The following SLC10A7 variants were observed in gnomAD, a reference collection of about 807,000 sequenced individuals.
SLC10A7 encodes solute carrier family 10 member 7.
A neutral mutation model predicts 43.2 loss-of-function variants in SLC10A7; 29 were observed. The observed-to-expected ratio is 0.67, with a 90% CI of 0.50 to 0.92. The LOEUF is 0.92. Among genes scored for constraint, SLC10A7 ranks in the 40% least tolerant of loss-of-function variants. SLC10A7 has a pLI of 0.00. For missense variants in SLC10A7, 295 were observed against 403.2 expected, an observed-to-expected ratio of 0.73 and a Z score of 2.30; for synonymous variants, 152 against 144.8, an observed-to-expected ratio of 1.05 and a Z score of -0.35.
chr4:146,374,448 GC>G (rs1737016905), intron 5 of SLC10A7, among the ~76,000 whole-genome samples: 1 of 151,948 alleles, frequency 6.6e-6, no homozygotes, highest in Non-Finnish European at 1.5e-5. Flanking sequence ...AACTAGCTGG[GC>G]ATGGTGGTGC....
intron 5 of SLC10A7, among the ~76,000 whole-genome samples, chr4:146,438,728 CA>C (rs1443286117): frequency 6.6e-6 from 1 of 151,904 alleles, no homozygotes; most frequent in Non-Finnish European, 1.5e-5. Context: ...GCCTCCAAAT[CA>C]AAAATGCTAA....
chr4:146,438,722 C>T (rs905119430), intron 5 of SLC10A7, among the ~76,000 whole-genome samples: 5 of 151,892 alleles, frequency 3.3e-5, no homozygotes, highest in Admixed American at 2.0e-4. Flanking sequence ...AATTCAGCCT[C>T]CAAATCAAAA....
chr4:146,412,534 T>G (rs1346061577), intron 5 of SLC10A7, among the ~76,000 whole-genome samples: 2 of 152,144 alleles, frequency 1.3e-5, no homozygotes, highest in African/African-American at 4.8e-5. Context: ...AGTTAAAATT[T>G]TATGTATATC....
At chr4:146,421,659 T>A (rs1284988126) in intron 5 of SLC10A7, among the ~76,000 whole-genome samples, 1 of 152,152 alleles carries the variant, frequency 6.6e-6, no homozygotes, top group African/African-American at 2.4e-5. Flanking sequence ...CAACTGACCA[T>A]TCATTCATTT....
chr4:146,359,290 C>T lies in SLC10A7; in HGVS notation c.436-33294G>A, dbSNP rs554483628. 3.9e-4 allele frequency among the ~76,000 whole-genome samples: 60 copies of T among 152,208 alleles called. 2 individuals are homozygous for T. In the South Asian group the frequency reaches 0.012, roughly 30 times the overall value. On this transcript the variant is annotated intron_variant, in intron 5 of 11. Transcript: ENST00000335472. Reference sequence around the variant, plus strand: ...GTAGAAGTGCTTGCTGGATATCTGACAAAGGATGTGTGTATTCTAAATAAC... The same window carrying T: ...GTAGAAGTGCTTGCTGGATATCTGATAAAGGATGTGTGTATTCTAAATAAC...
intron 4 of SLC10A7, among the ~76,000 whole-genome samples, chr4:146,493,098 T>C (rs963704137): frequency 5.9e-5 from 9 of 152,224 alleles, no homozygotes; most frequent in African/African-American, 2.2e-4. Flanking sequence ...AATTAGCATG[T>C]AGTTGGTGCA....
intron 5 of SLC10A7, among the ~76,000 whole-genome samples, chr4:146,384,173 C>G (rs952730756): frequency 6.6e-6 from 1 of 152,074 alleles, no homozygotes; most frequent in African/African-American, 2.4e-5. Context: ...TAAAGTCCAG[C>G]AAACATCTTT....
intron 7 of SLC10A7, among the ~76,000 whole-genome samples, chr4:146,303,736 G>A (rs1224499786): frequency 6.6e-6 from 1 of 152,020 alleles, no homozygotes; most frequent in Admixed American, 6.6e-5. Flanking sequence ...TTTAGTATTT[G>A]CAGGGAATTT....
intron 5 of SLC10A7, among the ~76,000 whole-genome samples, chr4:146,331,796 A>G (rs1733555429): frequency 6.6e-6 from 1 of 152,206 alleles, no homozygotes; most frequent in Admixed American, 6.5e-5. Context: ...GTGATATCTT[A>G]AACAGTTAGT....
At chr4:146,440,660 C>T in intron 5 of SLC10A7, among the ~76,000 whole-genome samples, 1 of 152,034 alleles carries the variant, frequency 6.6e-6, no homozygotes, top group Non-Finnish European at 1.5e-5. Context: ...GTTGTTGTAA[C>T]TATGGTGAAG....
intron 4 of SLC10A7, among the ~76,000 whole-genome samples, chr4:146,444,406 A>G (rs1730857667): frequency 6.6e-6 from 1 of 152,186 alleles, no homozygotes; most frequent in African/African-American, 2.4e-5. Flanking sequence ...CTTGTCTAGC[A>G]TTTGAGGAAA....
intron 4 of SLC10A7, chr4:146,478,269 GA>G (rs1175573689): frequency 6.6e-6 from 1 of 152,226 alleles, no homozygotes; most frequent in East Asian, 1.9e-4. Context: ...CCTCCCAGGA[GA>G]GCTCAAGAAA....
intron 5 of SLC10A7, among the ~76,000 whole-genome samples, chr4:146,429,853 C>T (rs1277556093): frequency 2.0e-5 from 3 of 151,640 alleles, no homozygotes; most frequent in Non-Finnish European, 4.4e-5. Flanking sequence ...TTAGAGGATG[C>T]TTTATAAGTA....
chr4:146,428,297 T>A (rs544112108), intron 5 of SLC10A7, among the ~76,000 whole-genome samples: 1 of 152,336 alleles, frequency 6.6e-6, no homozygotes, highest in South Asian at 2.1e-4. Context: ...TGGAGATAGA[T>A]AGCACTCTCC....
In SLC10A7 at chr4:146,326,068, C is replaced by T. The variant is rs1560800432; in HGVS notation, c.436-72G>A. The T allele has an allele frequency of 2.4e-5, 33 of 1,378,300 alleles. No homozygotes were observed. The South Asian group carries it at 4.1e-4, about 17-fold the overall frequency. The allele number at this position is 1,378,300 out of a possible 1,614,324, so 85.4% of individuals were successfully genotyped here. A position where few individuals can be genotyped will look rare whatever the true frequency, so the allele number is the denominator to read the frequency against. On this transcript the variant is annotated intron_variant, in intron 5 of 11. Transcript: ENST00000335472. ...AGGACACTTTCTTTGCCATTTTAAA[C>T]TCTGAGGCATAGGAGTGCTTATCTT...
intron 6 of SLC10A7, among the ~76,000 whole-genome samples, chr4:146,317,197 G>A (rs1384858501): frequency 6.6e-6 from 1 of 152,092 alleles, no homozygotes; most frequent in Non-Finnish European, 1.5e-5. Flanking sequence ...GAAAACAGCA[G>A]TTTTAAAAAT....
chr4:146,276,923 T>C (rs1729243402), intron 10 of SLC10A7, among the ~76,000 whole-genome samples: 1 of 151,690 alleles, frequency 6.6e-6, no homozygotes, highest in African/African-American at 2.4e-5. Flanking sequence ...CACCGCACTC[T>C]AGCCTGAGTG....
rs1049442978 is a variant in SLC10A7 at position 146,312,611 on chromosome 4, C to A, written c.472-6602G>T. Among the ~76,000 whole-genome samples the A allele has an allele frequency of 2.0e-5, 3 of 152,092 alleles. No individual in the cohort carries two copies. In the South Asian group the frequency reaches 6.2e-4, roughly 32 times the overall value. On this transcript the variant is annotated intron_variant, in intron 6 of 11. Coordinates refer to ENST00000335472, the MANE Select transcript of SLC10A7 (RefSeq NM_001029998.6). ...CAACTCCCTGGCTCCTGGTAACCTC[C>A]CTTCTACTCTGTTTCTATGAGTTTG...
rs534273197 is a variant in SLC10A7 at position 146,364,043 on chromosome 4, A to C, written c.436-38047T>G. Among the ~76,000 whole-genome samples, 3 of 152,194 alleles carry C rather than the reference A, an allele frequency of 2.0e-5. No individual in the cohort carries two copies. In the South Asian group the frequency reaches 6.2e-4, roughly 32 times the overall value. ...TAAAATAGAGACTAAAAAGTACAAA[A>C]GATCAACAAAACAAAAAGTTGGTTC... On this transcript the variant is annotated intron_variant, in intron 5 of 11. Coordinates refer to ENST00000335472, the MANE Select transcript of SLC10A7 (RefSeq NM_001029998.6).
Sources: allele counts gnomAD v4.1 joint callset (sites outside exome capture counted in the v4.1 genomes callset), GRCh38; gene constraint gnomAD v4.1.1; transcripts MANE v1.5; gene names NCBI Gene and HGNC (gene_info 2026-07-23, HGNC 2026-07-21).